The following TACC2 variants were observed in gnomAD, a reference collection of about 807,000 sequenced individuals.
TACC2 encodes transforming acidic coiled-coil-containing protein 2.
Under a neutral mutation model 227.3 loss-of-function variants are expected in TACC2, and 137 were observed. The ratio of observed to expected loss-of-function variants is 0.60; its 90% CI spans 0.52 to 0.69. TACC2 has a LOEUF of 0.69. Among genes scored for constraint, TACC2 ranks in the 30% least tolerant of loss-of-function variants. TACC2 has a pLI of 0.00. For synonymous variants in TACC2, 1,523 were observed against 1,487.5 expected (o/e 1.02, Z -0.55); for missense variants, 3,470 against 3,694.4 (o/e 0.94, Z 1.57).
rs752740775 is a variant in TACC2, at chr10:122,087,252, T to C, written c.4752T>C (p.His1584=). The part of the protein sequence containing the change: ...AAAFQVAPHS[H]GEEAVAQDRI... ...CCTTCCAGGTGGCTCCCCATAGCCA[T>C]GGAGAAGAGGCCGTGGCCCAAGACA... Residue 1584 remains histidine (H), a synonymous_variant, in exon 4 of 23, where the codon CAT becomes CAC. Transcript: ENST00000369005. The C allele has an allele frequency of 2.5e-6, 4 of 1,613,732 alleles. No individual in the cohort carries two copies. The highest frequency in any genetic ancestry group is 2.2e-5 in the East Asian group (1 of 44,882).
At chr10:122,116,049 T>C (rs1303610202) in intron 5 of TACC2, among the ~76,000 whole-genome samples, 1 of 152,114 alleles carries the variant, frequency 6.6e-6, no homozygotes, top group Non-Finnish European at 1.5e-5. Flanking sequence ...CAGTCCTTGG[T>C]TCATAACCCC....
intron 3 of TACC2, among the ~76,000 whole-genome samples, chr10:122,067,551 G>A (rs1425420770): frequency 7.0e-6 from 1 of 143,308 alleles, no homozygotes; most frequent in Non-Finnish European, 1.5e-5. Context: ...CTGTCACCCA[G>A]GCTGGAGTGC....
At chr10:122,199,758 T>C (rs1344194713) in intron 8 of TACC2, among the ~76,000 whole-genome samples, 3 of 152,146 alleles carry the variant, frequency 2.0e-5, no homozygotes, top group African/African-American at 7.2e-5. Context: ...AATGTATTGC[T>C]TACAGTTCTG....
chr10:122,086,671 G>T lies in TACC2; in HGVS notation c.4171G>T (p.Gly1391Cys). 1 of 1,612,574 alleles carries T rather than the reference G, an allele frequency of 6.2e-7. No individual in the cohort carries two copies. Among genetic ancestry groups the T allele is most frequent in the Non-Finnish European group, 8.5e-7 (1 of 1,179,230 alleles). Residue 1391 changes from glycine to cysteine, a missense_variant, in exon 4 of 23, where the codon GGT becomes TGT. By Grantham distance (159) the Gly-to-Cys change is radical. Transcript: ENST00000369005. ...GGACCCAAAGCAGGGCACATCAGGTGGTGTGGACACAAGCTCTGAGCAAAT... is the reference window on the plus strand; with the variant it reads ...GGACCCAAAGCAGGGCACATCAGGTTGTGTGGACACAAGCTCTGAGCAAAT... ...SQDPKQGTSG[G>C]VDTSSEQIAT...
intron 3 of TACC2, among the ~76,000 whole-genome samples, chr10:122,070,954 G>A (rs1172863698): frequency 2.0e-5 from 3 of 151,480 alleles, no homozygotes; most frequent in Admixed American, 1.3e-4. Context: ...ACAAAAATAC[G>A]TTTACCACTC....
intron 5 of TACC2, among the ~76,000 whole-genome samples, chr10:122,116,005 G>T (rs1201172156): frequency 2.0e-5 from 3 of 152,128 alleles, no homozygotes; most frequent in African/African-American, 7.2e-5. Flanking sequence ...GTGGCTAGCT[G>T]TGTTTTTTTT....
At position 122,085,293 on chromosome 10, in the gene TACC2, A is replaced by G; in HGVS notation, c.2793A>G (p.Ser931=). The change falls in exon 4 of 23, where the codon TCA becomes TCG. Residue 931 remains serine (S), a synonymous_variant. Transcript: ENST00000369005. ...MVWESSLTEE[S]ELSAPTRQKL... Reference sequence around the variant, plus strand: ...GGGAGAGTTCTCTGACAGAAGAGTCAGAATTGTCAGCACCAACGAGACAGA... The same window carrying G: ...GGGAGAGTTCTCTGACAGAAGAGTCGGAATTGTCAGCACCAACGAGACAGA... 1 of 1,614,108 alleles carries G rather than the reference A, an allele frequency of 6.2e-7. No homozygotes were observed. Among genetic ancestry groups the G allele is most frequent in the Non-Finnish European group, 8.5e-7 (1 of 1,180,044 alleles).
intron 8 of TACC2, among the ~76,000 whole-genome samples, chr10:122,196,210 G>C (rs570499815): frequency 1.3e-5 from 2 of 152,362 alleles, no homozygotes; most frequent in South Asian, 4.1e-4. Context: ...GTTTTAGAAA[G>C]AAATGGGTGG....
intron 5 of TACC2, among the ~76,000 whole-genome samples, chr10:122,119,368 A>G (rs770013536): frequency 1.3e-5 from 2 of 152,120 alleles, no homozygotes; most frequent in Non-Finnish European, 2.9e-5. Flanking sequence ...TCTTTGTACT[A>G]TACTTGCTGC....
chr10:122,018,648 T>G (rs1352500092), intron 1 of TACC2, among the ~76,000 whole-genome samples: 1 of 152,238 alleles, frequency 6.6e-6, no homozygotes, highest in Non-Finnish European at 1.5e-5. Flanking sequence ...ATCTATGACC[T>G]TTTGTGCCTG....
At chr10:122,240,923 A>T (rs1251713948) in intron 18 of TACC2, among the ~76,000 whole-genome samples, 1 of 152,206 alleles carries the variant, frequency 6.6e-6, no homozygotes, top group Admixed American at 6.5e-5. Context: ...AGGCTTCCCA[A>T]GAAGTTTACT....
intron 2 of TACC2, among the ~76,000 whole-genome samples, chr10:122,037,789 C>T (rs1960876054): frequency 6.6e-6 from 1 of 152,222 alleles, no homozygotes; most frequent in Non-Finnish European, 1.5e-5. Flanking sequence ...ACACAATGAT[C>T]AAGGGGCAGA....
At chr10:122,135,680 T>G (rs553869897) in intron 6 of TACC2, among the ~76,000 whole-genome samples, 1 of 152,362 alleles carries the variant, frequency 6.6e-6, no homozygotes, top group East Asian at 1.9e-4. Context: ...TCCATATTTG[T>G]GAATTTGCCT....
intron 5 of TACC2, among the ~76,000 whole-genome samples, chr10:122,098,109 C>T (rs554213866): frequency 6.6e-6 from 1 of 152,108 alleles, no homozygotes; most frequent in African/African-American, 2.4e-5. Context: ...AGCCCAGGGC[C>T]CAGCACACAC....
At chr10:122,060,157 T>G (rs2076637442) in intron 3 of TACC2, among the ~76,000 whole-genome samples, 1 of 152,174 alleles carries the variant, frequency 6.6e-6, no homozygotes, top group Non-Finnish European at 1.5e-5. Context: ...GGGTGACCAT[T>G]GAGGCAGTGA....
chr10:122,186,920 G>A (rs1186735958), intron 7 of TACC2, among the ~76,000 whole-genome samples: 2 of 152,182 alleles, frequency 1.3e-5, no homozygotes, highest in Non-Finnish European at 2.9e-5. Flanking sequence ...GGTGGTCCGA[G>A]GCTCTTTTTT....
intron 2 of TACC2, among the ~76,000 whole-genome samples, chr10:122,035,392 C>CAGACATCAGTGAGTAAAT: frequency 6.6e-6 from 1 of 152,164 alleles, no homozygotes; most frequent in East Asian, 1.9e-4. Context: ...AGTGAGTAAA[C>CAGACATCAGTGAGTAAAT]AGACATCAGT....
At chr10:122,215,169 C>T (rs1351618843) in intron 9 of TACC2, among the ~76,000 whole-genome samples, 1 of 152,178 alleles carries the variant, frequency 6.6e-6, no homozygotes, top group Non-Finnish European at 1.5e-5. Context: ...CTTTAAAGAT[C>T]TCCAGCTTGA....
chr10:122,230,876 A>G (rs552370702), intron 16 of TACC2, among the ~76,000 whole-genome samples: 5 of 152,294 alleles, frequency 3.3e-5, no homozygotes, highest in African/African-American at 9.6e-5. Context: ...GCAAGTTAAC[A>G]TCTGACTTTG....
Sources: allele counts gnomAD v4.1 joint callset (sites outside exome capture counted in the v4.1 genomes callset), GRCh38; gene constraint gnomAD v4.1.1; transcripts MANE v1.5; gene names NCBI Gene and HGNC (gene_info 2026-07-23, HGNC 2026-07-21).